FAT2: variants seen among roughly 807,000 people sequenced by gnomAD.
The protein encoded by FAT2 is protocadherin Fat 2.
Under a neutral mutation model 295.3 loss-of-function variants are expected in FAT2, and 150 were observed. That is an observed-to-expected ratio of 0.51 (90% CI 0.44 to 0.58). FAT2 has a LOEUF of 0.58. Among genes scored for constraint, FAT2 ranks in the 20% least tolerant of loss-of-function variants. FAT2 has a pLI of 0.00. For synonymous variants in FAT2, 2,026 were observed against 2,150.3 expected (o/e 0.94, Z 1.60); for missense variants, 4,868 against 5,442.7 (o/e 0.89, Z 3.32).
At chr5:151,587,453 G>A (rs559702754) in intron 1 of FAT2, among the ~76,000 whole-genome samples, 21 of 152,174 alleles carry the variant, frequency 1.4e-4, no homozygotes, top group African/African-American at 3.6e-4. Flanking sequence ...CTTTAACTGC[G>A]GGGCCTTTGC....
rs540346587 is a variant in FAT2 at position 151,543,067 on chromosome 5, G to A, written c.8060C>T (p.Ser2687Phe). The A allele has an allele frequency of 6.2e-7, 1 of 1,614,148 alleles. No homozygotes were observed. Among genetic ancestry groups the A allele is most frequent in the South Asian group, 1.1e-5 (1 of 91,068 alleles). ...VRLQVVPKKVSLPKFSEPLYT... is the reference protein window; with the variant it reads ...VRLQVVPKKVFLPKFSEPLYT... ...CAAAGGTTCAGAAAATTTCGGTAAG[G>A]ATACTTTTTTAGGAACCACCTGAAG... Residue 2687 changes from serine to phenylalanine, a missense_variant, in exon 10 of 24, where the codon TCC (serine) becomes TTC (phenylalanine). By Grantham distance (155) the Ser-to-Phe change is radical (BLOSUM62 -2). Around this residue, in one of 5 missense-constraint regions of FAT2, gnomAD observed 3,297 missense variants for 3,669.4 expected, o/e 0.90. Coordinates refer to ENST00000261800, the MANE Select transcript of FAT2 (RefSeq NM_001447.3).
In FAT2 at chr5:151,544,389, C is replaced by T. The variant is rs746549666; in HGVS notation, c.6738G>A (p.Thr2246=). 9 of 1,614,006 alleles carry T rather than the reference C, an allele frequency of 5.6e-6. No homozygotes were observed. Among genetic ancestry groups the T allele is most frequent in the East Asian group, 2.2e-5 (1 of 44,888 alleles). Residue 2246 remains threonine (T), a synonymous_variant, in exon 10 of 24, where the codon ACG becomes ACA. Transcript: ENST00000261800. ...CAGAAAATGACCCCAGAGCTGTATC[C>T]GTGGCTCTGACTGTGAACACATGTT... ...KTKHVFTVRA[T]DTALGSFSEA...
At position 151,517,758 on chromosome 5, in the gene FAT2, A is replaced by G. The variant is rs764060588; in HGVS notation, c.11325T>C (p.Ala3775=). The part of the protein sequence containing the change: ...LQRSCSCNGT[A]TRFSGQSYVR... Reference sequence around the variant, plus strand: ...CATAGCTCTGACCACTGAACCTTGTAGCAGTACCTGAGAAAGCAACCAAAG... The same window carrying G: ...CATAGCTCTGACCACTGAACCTTGTGGCAGTACCTGAGAAAGCAACCAAAG... Residue 3775 remains alanine (A), a synonymous_variant, in exon 20 of 24, where the codon GCT becomes GCC. Transcript: ENST00000261800. 1 of 1,614,152 alleles carries G rather than the reference A, an allele frequency of 6.2e-7. No individual in the cohort carries two copies. The highest frequency in any genetic ancestry group is 8.5e-7 in the Non-Finnish European group (1 of 1,179,998).
At chr5:151,540,008 G>C (rs544684144) in intron 11 of FAT2, among the ~76,000 whole-genome samples, 1 of 152,334 alleles carries the variant, frequency 6.6e-6, no homozygotes, top group South Asian at 2.1e-4. Flanking sequence ...GGTTTGTCTG[G>C]GGTCAGGTCT....
Position 151,527,221 on chromosome 5 carries a change from G to A in FAT2, c.10308+13C>T. 1 of 1,594,094 alleles carries A rather than the reference G, an allele frequency of 6.3e-7. No individual in the cohort carries two copies. Among genetic ancestry groups the A allele is most frequent in the Non-Finnish European group, 8.6e-7 (1 of 1,168,262 alleles). On this transcript the variant is annotated intron_variant, in intron 17 of 23. Transcript: ENST00000261800. ...GAGGAAGGGCTCAGGGTGCCTTGGA[G>A]GCTCAAGCTTACCTGGACAGTGGTG... is the stretch of plus-strand genomic sequence containing the variant.
chr5:151,590,966 A>G (rs1759378530), intron 1 of FAT2, among the ~76,000 whole-genome samples, 199 bp downstream of exon 1: 1 of 152,046 alleles, frequency 6.6e-6, no homozygotes, highest in Non-Finnish European at 1.5e-5. Flanking sequence ...TGGCTACCTC[A>G]CTGGCTTCTT....
At position 151,544,343 on chromosome 5, in the gene FAT2, C is replaced by T; in HGVS notation, c.6784G>A (p.Val2262Met). 1.2e-6 allele frequency: 2 copies of T among 1,614,194 alleles called. No homozygotes were observed. The highest frequency in any genetic ancestry group is 1.7e-6 in the Non-Finnish European group (2 of 1,180,016). ...GGAGGGTTATCATTGACATCCTCCA[C>T]TAGGACTTCCACTGTGGCTTCAGAA... ...SFSEATVEVL[V>M]EDVNDNPPTF... The change falls in exon 10 of 24, where the codon GTG (valine) becomes ATG (methionine). Residue 2262 changes from valine (V) to methionine (M), a missense_variant. Around this residue, in one of 5 missense-constraint regions of FAT2, gnomAD observed 3,297 missense variants for 3,669.4 expected, o/e 0.90. Coordinates refer to ENST00000261800, the MANE Select transcript of FAT2 (RefSeq NM_001447.3).
Position 151,505,423 on chromosome 5 carries a change from C to T in FAT2, c.*142G>A, listed in dbSNP as rs1238775883. On this transcript the variant is annotated 3_prime_UTR_variant, in exon 24 of 24. Transcript: ENST00000261800. ...GGGACTAGGTGGGGGATTGGAAGAG[C>T]ACATTTCAAGGGACAACAGCCTGGG... The T allele has an allele frequency of 1.0e-6, 1 of 981,532 alleles. No homozygotes were observed. The highest frequency in any genetic ancestry group is 1.5e-6 in the Non-Finnish European group (1 of 661,306). 60.8% of individuals were successfully genotyped at this position (981,532 alleles called of 1,614,324 possible).
chr5:151,573,905 C>T (rs936890870), intron 1 of FAT2, among the ~76,000 whole-genome samples: 2 of 152,144 alleles, frequency 1.3e-5, no homozygotes, highest in African/African-American at 4.8e-5. Flanking sequence ...GGCTCCTCAT[C>T]ACTGGGGGAA....
In FAT2 at chr5:151,505,307, G is replaced by C. The variant is rs1442842912; in HGVS notation, c.*258C>G. Reference sequence around the variant, plus strand: ...CCCACCCCGGGAGTCAATTGTTCCTGGTTTTCCAGGGTCACTGCTCTAGAA... The same window carrying C: ...CCCACCCCGGGAGTCAATTGTTCCTCGTTTTCCAGGGTCACTGCTCTAGAA... On this transcript the variant is annotated 3_prime_UTR_variant, in exon 24 of 24. Coordinates refer to ENST00000261800, the MANE Select transcript of FAT2 (RefSeq NM_001447.3). The C allele has an allele frequency of 5.5e-6, 3 of 546,680 alleles. No homozygotes were observed. The East Asian group carries it at 9.7e-5, about 18-fold the overall frequency. 33.9% of individuals were successfully genotyped at this position (546,680 alleles called of 1,614,324 possible).
chr5:151,545,499 T>C lies in FAT2; in HGVS notation c.5628A>G (p.Ile1876Met). The stretch of plus-strand genomic sequence containing the variant: ...TAGGCCCGACTATTGCTACCTCATA[T>C]ATCTGTTCTGAGAATCTGGGAGGGG... Reference protein sequence around the residue: ...NDSPPRFSEQIYEVAIVGPIH... With the variant: ...NDSPPRFSEQMYEVAIVGPIH... The change falls in exon 10 of 24, where the codon ATA becomes ATG. Residue 1876 changes from isoleucine (I) to methionine (M), a missense_variant. Transcript: ENST00000261800. 1 of 1,614,200 alleles carries C rather than the reference T, an allele frequency of 6.2e-7. No homozygotes were observed. The highest frequency in any genetic ancestry group is 1.1e-5 in the South Asian group (1 of 91,080).
In FAT2 at chr5:151,591,246, T is replaced by C. The variant is rs1296138941; in HGVS notation, c.-102A>G. Among the ~76,000 whole-genome samples, 2 of 152,120 alleles carry C rather than the reference T, an allele frequency of 1.3e-5. No individual in the cohort carries two copies. Among genetic ancestry groups the C allele is most frequent in the East Asian group, 1.9e-4 (1 of 5,186 alleles). On this transcript the variant is annotated 5_prime_UTR_variant, in exon 1 of 24. Transcript: ENST00000261800. Reference sequence around the variant, plus strand: ...TCTCACGAGGGCCAGGCTGACAGGCTCCTGAGGGAGGTGCAGAGACTCGGA... The same window carrying C: ...TCTCACGAGGGCCAGGCTGACAGGCCCCTGAGGGAGGTGCAGAGACTCGGA...
At chr5:151,506,657 TC>T (rs1255640053) in intron 23 of FAT2, among the ~76,000 whole-genome samples, 2 of 152,230 alleles carry the variant, frequency 1.3e-5, no homozygotes, top group African/African-American at 4.8e-5. Flanking sequence ...AAAATACCTA[TC>T]ATAACTGCTA....
At chr5:151,517,337 C>A (rs17741008) in intron 20 of FAT2, among the ~76,000 whole-genome samples, 3 of 152,172 alleles carry the variant, frequency 2.0e-5, no homozygotes. Flanking sequence ...AAAATGATAA[C>A]GGCACCAGGG....
chr5:151,546,163 C>T lies in FAT2; in HGVS notation c.4964G>A (p.Arg1655Lys), dbSNP rs2127614168. 1 of 1,614,144 alleles carries T rather than the reference C, an allele frequency of 6.2e-7. No homozygotes were observed. Among genetic ancestry groups the T allele is most frequent in the East Asian group, 2.2e-5 (1 of 44,882 alleles). ...AGATTTTGAAAAGATGGGGGCACTC[C>T]TATCTGAGGGATAGACATGAATGAT... The part of the protein sequence containing the change: ...TVIIHVYPSD[R>K]SAPIFSKSEY... Residue 1655 changes from arginine to lysine, a missense_variant, in exon 10 of 24, where the codon AGG (arginine) becomes AAG (lysine). Physicochemically the swap from Arg to Lys is conservative, Grantham distance 26. Around this residue, in one of 5 missense-constraint regions of FAT2, gnomAD observed 3,297 missense variants for 3,669.4 expected, o/e 0.90. Transcript: ENST00000261800.
intron 19 of FAT2, 140 bp from the exon 20 acceptor site, chr5:151,517,905 T>A: frequency 9.5e-7 from 1 of 1,051,346 alleles, no homozygotes; most frequent in Non-Finnish European, 1.4e-6. Context: ...AGGCTGGGTG[T>A]GGGGTGTGCC....
At chr5:151,533,547 C>A (rs2127593567) in intron 13 of FAT2, among the ~76,000 whole-genome samples, 1 of 152,228 alleles carries the variant, frequency 6.6e-6, no homozygotes, top group East Asian at 1.9e-4. Flanking sequence ...AACTCACTTT[C>A]TCTAGGAAAT....
chr5:151,514,302 C>T (rs1752614846), intron 20 of FAT2, among the ~76,000 whole-genome samples: 1 of 152,188 alleles, frequency 6.6e-6, no homozygotes, highest in African/African-American at 2.4e-5. Flanking sequence ...TCTGGGACCA[C>T]AAATCTGTTG....
chr5:151,545,428 T>C lies in FAT2; in HGVS notation c.5699A>G (p.Asp1900Gly), dbSNP rs769944703. 1.2e-6 allele frequency: 2 copies of C among 1,614,100 alleles called. No homozygotes were observed. The highest frequency in any genetic ancestry group is 8.5e-7 in the Non-Finnish European group (1 of 1,180,006). ...ELLMVRASDEDSEVNYSIKTG... is the reference protein window; with the variant it reads ...ELLMVRASDEGSEVNYSIKTG... ...TTTGATGCTATAATTGACTTCTGAG[T>C]CTTCATCGCTGGCCCGCACCATGAG... The change falls in exon 10 of 24, where the codon GAC becomes GGC. Residue 1900 changes from aspartate (D) to glycine (G), a missense_variant. By Grantham distance (94) the Asp-to-Gly change is moderately conservative. Around this residue, in one of 5 missense-constraint regions of FAT2, gnomAD observed 3,297 missense variants for 3,669.4 expected, o/e 0.90. Coordinates refer to ENST00000261800, the MANE Select transcript of FAT2 (RefSeq NM_001447.3).
Sources: allele counts gnomAD v4.1 joint callset (sites outside exome capture counted in the v4.1 genomes callset), GRCh38; gene constraint gnomAD v4.1.1; regional missense constraint gnomAD v4.1.1; transcripts MANE v1.5; gene names NCBI Gene and HGNC (gene_info 2026-07-23, HGNC 2026-07-21).